Variants in ERCC6 observed in about 807,000 individuals in gnomAD.
ERCC6 encodes DNA excision repair protein ERCC-6.
In ERCC6, 116 loss-of-function variants were observed where a neutral mutation model predicts 158.7. The ratio of observed to expected loss-of-function variants is 0.73; its 90% CI spans 0.63 to 0.85. The LOEUF is 0.85. Among genes scored for constraint, ERCC6 ranks in the 40% least tolerant of loss-of-function variants. The pLI, the probability that ERCC6 is intolerant of heterozygous loss-of-function variation, is 0.00. For missense variants in ERCC6, 1,698 were observed against 1,799.4 expected, an observed-to-expected ratio of 0.94 and a Z score of 1.02; for synonymous variants, 678 against 659.3, an observed-to-expected ratio of 1.03 and a Z score of -0.43.
At chr10:49,528,174 TAATA>T (rs1438457555) in intron 4 of ERCC6, among the ~76,000 whole-genome samples, 1 of 152,238 alleles carries the variant, frequency 6.6e-6, no homozygotes, top group Non-Finnish European at 1.5e-5. Context: ...GTATTAAATG[TAATA>T]ATAAATGTGT....
chr10:49,511,523 C>G (rs1321108229), intron 5 of ERCC6, among the ~76,000 whole-genome samples: 2 of 151,868 alleles, frequency 1.3e-5, no homozygotes, highest in South Asian at 2.1e-4. Flanking sequence ...TTTCCAGATT[C>G]AAGCAATCCT....
intron 5 of ERCC6, among the ~76,000 whole-genome samples, chr10:49,513,303 A>G (rs1327566055): frequency 6.6e-6 from 1 of 152,162 alleles, no homozygotes; most frequent in Non-Finnish European, 1.5e-5. Flanking sequence ...CTAGCTCTGG[A>G]CAAGTTTTGT....
intron 5 of ERCC6, among the ~76,000 whole-genome samples, chr10:49,512,410 C>T (rs1005638891): frequency 1.3e-5 from 2 of 152,220 alleles, no homozygotes; most frequent in African/African-American, 4.8e-5. Context: ...GTCCCCTAGA[C>T]AGATGTCTAG....
intron 7 of ERCC6, among the ~76,000 whole-genome samples, chr10:49,493,859 C>G (rs145461918): frequency 2.0e-5 from 3 of 152,352 alleles, no homozygotes; most frequent in Non-Finnish European, 4.4e-5. Context: ...CTCTACACCA[C>G]CAAAGCACCA....
At chr10:49,495,325 C>G (rs111352374) in intron 7 of ERCC6, among the ~76,000 whole-genome samples, 65 of 152,280 alleles carry the variant, frequency 4.3e-4, no homozygotes, top group African/African-American at 1.5e-3. Context: ...CAGGGCCACA[C>G]GCCTGCCTCT....
intron 5 of ERCC6, among the ~76,000 whole-genome samples, chr10:49,521,432 C>T (rs1460971863): frequency 2.6e-5 from 4 of 152,192 alleles, no homozygotes; most frequent in Non-Finnish European, 5.9e-5. Context: ...GCACCCGGAG[C>T]TCCCAGGCCC....
intron 6 of ERCC6, chr10:49,502,175 C>G (rs1403351351): frequency 6.6e-6 from 1 of 152,138 alleles, no homozygotes; most frequent in Non-Finnish European, 1.5e-5. Flanking sequence ...GTAAATACGT[C>G]ATAATTAACT....
the ERCC6 span, among the ~76,000 whole-genome samples, chr10:49,448,548 T>C: frequency 6.6e-6 from 1 of 152,210 alleles, no homozygotes. Flanking sequence ...CCACCTCAAT[T>C]TTACATTTTC....
chr10:49,519,103 CCA>C, intron 5 of ERCC6, among the ~76,000 whole-genome samples: 1 of 152,316 alleles, frequency 6.6e-6, no homozygotes, highest in East Asian at 1.9e-4. Context: ...ATCCAAATTC[CCA>C]GATTACAGGC....
chr10:49,482,040 G>A (rs1302974638), intron 10 of ERCC6, among the ~76,000 whole-genome samples: 2 of 152,122 alleles, frequency 1.3e-5, no homozygotes, highest in East Asian at 3.9e-4. Flanking sequence ...TCCCTTTCAA[G>A]GCCCCACAGT....
At chr10:49,463,799 G>A (rs543900788) in intron 18 of ERCC6, among the ~76,000 whole-genome samples, 5 of 152,276 alleles carry the variant, frequency 3.3e-5, no homozygotes, top group Non-Finnish European at 4.4e-5. Context: ...GCCTGCTGCC[G>A]TCCATGTAAG....
At position 49,526,115 on chromosome 10, in the gene ERCC6, TTTTATATA is replaced by T. The variant is rs1173480838; in HGVS notation, c.653-1346_653-1339del. On this transcript the variant is annotated intron_variant, in intron 4 of 20. Transcript: ENST00000355832. ...TTTATATATTTATATATTTATATAT[TTTTATATA>T]TATATATATATATATATATATATAT... Among the ~76,000 whole-genome samples the T allele has an allele frequency of 8.3e-4, 87 of 105,428 alleles. 4 individuals are homozygous for T. The highest frequency in any genetic ancestry group is 3.2e-3 in the African/African-American group (78 of 24,480). The allele number at this position is 105,428 out of a possible 152,430, so 69.2% of individuals were successfully genotyped here.
At position 49,516,060 on chromosome 10, in the gene ERCC6, T is replaced by C. The variant is rs748428006; in HGVS notation, c.1397+7973A>G. On this transcript the variant is annotated intron_variant, in intron 5 of 20. Coordinates refer to ENST00000355832, the MANE Select transcript of ERCC6 (RefSeq NM_000124.4). The stretch of plus-strand genomic sequence containing the variant: ...AAGTGCAATACTGGTGAAAAAGTTA[T>C]TGAATACAAAATGGTATTGTCCAGG... 3.0e-5 allele frequency: 48 copies of C among 1,614,034 alleles called. No homozygotes were observed. The highest frequency in any genetic ancestry group is 3.8e-5 in the Non-Finnish European group (45 of 1,179,998).
At chr10:49,475,320 AT>A in intron 12 of ERCC6, 1 of 387,918 alleles carries the variant, frequency 2.6e-6, no homozygotes, top group South Asian at 2.1e-5. Flanking sequence ...ATCAAAATTA[AT>A]TTCACCTGTT....
chr10:49,493,006 A>G (rs1851201783), intron 8 of ERCC6, 111 bp downstream of exon 8: 4 of 1,145,706 alleles, frequency 3.5e-6, no homozygotes, highest in African/African-American at 1.6e-5. Flanking sequence ...TAAATGCAGG[A>G]AAAAAAACAC....
the ERCC6 span, among the ~76,000 whole-genome samples, chr10:49,436,506 A>G: frequency 6.6e-6 from 1 of 152,248 alleles, no homozygotes; most frequent in Non-Finnish European, 1.5e-5. Context: ...GCCAATAAAA[A>G]TGAACAGGAA....
chr10:49,500,799 G>T, intron 6 of ERCC6, 103 bp from the exon 7 acceptor site: 1 of 1,214,592 alleles, frequency 8.2e-7, no homozygotes, highest in Non-Finnish European at 1.2e-6. Flanking sequence ...CTAGGTTCTA[G>T]TACCAGTCAG....
chr10:49,493,107 A>G lies in ERCC6; in HGVS notation c.1821+10T>C, dbSNP rs2132564830. On this transcript the variant is annotated intron_variant, in intron 8 of 20. Transcript: ENST00000355832. ...AAACAAAACAAAAAGGTACTGAAAT[A>G]TTGTGTTACCTTTTTGTGGGTATAG... 1 of 1,613,980 alleles carries G rather than the reference A, an allele frequency of 6.2e-7. No individual in the cohort carries two copies. Among genetic ancestry groups the G allele is most frequent in the Middle Eastern group, 1.7e-4 (1 of 6,060 alleles).
chr10:49,507,815 C>A lies in ERCC6; in HGVS notation c.1398-1803G>T, dbSNP rs558781633. ...ATCCTACACCACACAGGACAGCCCC[C>A]AAACCCCTCGGTAAAAAGTTATCAA... On this transcript the variant is annotated intron_variant, in intron 5 of 20. Coordinates refer to ENST00000355832, the MANE Select transcript of ERCC6 (RefSeq NM_000124.4). Among the ~76,000 whole-genome samples the A allele has an allele frequency of 2.6e-5, 4 of 152,286 alleles. No individual in the cohort carries two copies. In the South Asian group the frequency reaches 8.3e-4, roughly 32 times the overall value.
Sources: gnomAD v4.1 joint callset for allele counts (sites outside exome capture counted in the v4.1 genomes callset) on GRCh38, gnomAD v4.1.1 for gene constraint, MANE v1.5 for transcripts, NCBI Gene and HGNC (gene_info 2026-07-23, HGNC 2026-07-21) for gene names.